Variants in PLEKHG1 observed in about 807,000 individuals in gnomAD.
PLEKHG1 encodes the protein pleckstrin homology and RhoGEF domain containing G1.
A neutral mutation model predicts 100.8 loss-of-function variants in PLEKHG1; 44 were observed. That is an observed-to-expected ratio of 0.44 (90% CI 0.34 to 0.56). PLEKHG1 has a LOEUF of 0.56. PLEKHG1 is among the 20% of genes least tolerant of loss of function. The probability of loss-of-function intolerance (pLI) is 0.01; values close to 1 mark genes in which losing one functional copy is unlikely to be tolerated. For missense variants in PLEKHG1, 1,545 were observed against 1,720.9 expected (o/e 0.90, Z 1.81); for synonymous variants, 640 against 662.5 (o/e 0.97, Z 0.52).
rs1776964154 is a variant in PLEKHG1 at position 150,831,957 on chromosome 6, T to C, written c.2846T>C (p.Leu949Pro). 6.2e-7 allele frequency: 1 copy of C among 1,613,116 alleles called. No individual in the cohort carries two copies. The highest frequency in any genetic ancestry group is 8.5e-7 in the Non-Finnish European group (1 of 1,179,328). ...CCCCTCATGGACAATCCCTACGACC[T>C]GGCCAACAGTGGCCTGTCTCAAACA... The change falls in exon 15 of 16, where the codon CTG becomes CCG. Residue 949 changes from leucine (L) to proline (P), a missense_variant. By Grantham distance (98) the Leu-to-Pro change is moderately conservative. Coordinates refer to ENST00000358517, the Ensembl canonical transcript of PLEKHG1. The surrounding 1 kb of genome is among the most constrained non-coding windows in gnomAD (Gnocchi z 4.1).
chr6:150,631,355 C>A (rs972710834), intron 1 of PLEKHG1, among the ~76,000 whole-genome samples: 1 of 152,208 alleles, frequency 6.6e-6, no homozygotes, highest in Non-Finnish European at 1.5e-5. Context: ...TTTTAGGCAG[C>A]TTTTCAGGTG....
chr6:150,786,678 T>C (rs913736651), intron 4 of PLEKHG1, among the ~76,000 whole-genome samples: 4 of 152,126 alleles, frequency 2.6e-5, no homozygotes, highest in South Asian at 2.1e-4. Context: ...CTGAATAATG[T>C]TACTCTTTGC....
chr6:150,611,080 A>G (rs1032434195), intron 1 of PLEKHG1, among the ~76,000 whole-genome samples: 4 of 152,190 alleles, frequency 2.6e-5, no homozygotes, highest in Non-Finnish European at 4.4e-5. Flanking sequence ...ATCATGCCAT[A>G]CTCATCCTTC....
At chr6:150,813,196 G>T (rs1737907) in intron 10 of PLEKHG1, among the ~76,000 whole-genome samples, 42,454 of 151,192 alleles carry the variant, frequency 0.28, 6,298 homozygotes, top group Non-Finnish European at 0.34. Context: ...TCCCAGCTAC[G>T]CGGGAGGCTG....
chr6:150,801,918 C>T (rs1786739572), intron 6 of PLEKHG1, among the ~76,000 whole-genome samples: 1 of 152,288 alleles, frequency 6.6e-6, no homozygotes, highest in Non-Finnish European at 1.5e-5. Flanking sequence ...AAATCTTATA[C>T]GTTGCCCACA....
chr6:150,660,717 T>G (rs1779150632), intron 3 of PLEKHG1, among the ~76,000 whole-genome samples: 1 of 152,226 alleles, frequency 6.6e-6, no homozygotes, highest in Non-Finnish European at 1.5e-5. Context: ...GGCCTCTTCT[T>G]AAACCATAGA....
At chr6:150,612,330 T>G (rs985761834) in intron 1 of PLEKHG1, among the ~76,000 whole-genome samples, 1 of 151,418 alleles carries the variant, frequency 6.6e-6, no homozygotes, top group African/African-American at 2.4e-5. Context: ...GTTTTGTTTG[T>G]TTGTTTTGTT....
intron 3 of PLEKHG1, among the ~76,000 whole-genome samples, chr6:150,654,553 T>C (rs1778885563): frequency 6.6e-6 from 1 of 152,198 alleles, no homozygotes; most frequent in South Asian, 2.1e-4. Flanking sequence ...TGTGGTACCT[T>C]GGTATTGTAT....
intron 3 of PLEKHG1, among the ~76,000 whole-genome samples, chr6:150,715,187 T>C (rs1781378205): frequency 6.6e-6 from 1 of 152,170 alleles, no homozygotes; most frequent in African/African-American, 2.4e-5. Flanking sequence ...AGAAATAATT[T>C]TTTTTAAAAA....
chr6:150,805,567 G>C (rs1247483475), intron 7 of PLEKHG1, among the ~76,000 whole-genome samples: 1 of 151,230 alleles, frequency 6.6e-6, no homozygotes, highest in African/African-American at 2.4e-5. Context: ...CACTCTTGTC[G>C]CCCAGGCTGG....
intron 3 of PLEKHG1, among the ~76,000 whole-genome samples, chr6:150,704,511 G>A (rs1394800767): frequency 6.6e-6 from 1 of 152,258 alleles, no homozygotes; most frequent in Non-Finnish European, 1.5e-5. Flanking sequence ...TGGACTAGGG[G>A]AAGGCTGAGG....
Position 150,600,984 on chromosome 6 carries a change from G to A in PLEKHG1, c.-204+967G>A, listed in dbSNP as rs1776333666. 1 of 152,262 alleles carries A rather than the reference G, an allele frequency of 6.6e-6. No individual in the cohort carries two copies. The highest frequency in any genetic ancestry group is 2.4e-5 in the African/African-American group (1 of 41,444). 9.4% of individuals were successfully genotyped at this position (152,262 alleles called of 1,614,324 possible). A position where few individuals can be genotyped will look rare whatever the true frequency, so the allele number is the denominator to read the frequency against. On this transcript the variant is annotated intron_variant, in intron 1 of 3. Coordinates refer to the PLEKHG1 transcript ENST00000367326. The surrounding 1 kb of genome is among the most constrained non-coding windows in gnomAD (Gnocchi z 6.2). ...CGTATTTTCGAAATCACCGAGTGTG[G>A]GTGTTTGGGGCAGGTATCACCCCGC... is the stretch of plus-strand genomic sequence containing the variant.
At chr6:150,605,495 G>C (rs112412854) in intron 1 of PLEKHG1, 1 of 152,128 alleles carries the variant, frequency 6.6e-6, no homozygotes, top group African/African-American at 2.4e-5. Flanking sequence ...GTAATTGCTC[G>C]ATAAATGGTA....
At chr6:150,827,388 C>T (rs1193477900) in intron 14 of PLEKHG1, among the ~76,000 whole-genome samples, 8 of 152,048 alleles carry the variant, frequency 5.3e-5, no homozygotes, top group Non-Finnish European at 8.8e-5. Flanking sequence ...AGCGGTTCTC[C>T]TGCCTCAGCC....
intron 2 of PLEKHG1, among the ~76,000 whole-genome samples, chr6:150,738,332 A>G (rs1045842424): frequency 2.6e-5 from 4 of 152,184 alleles, no homozygotes; most frequent in African/African-American, 7.2e-5. Context: ...CATTTTTACG[A>G]CTTGTGAACA....
intron 1 of PLEKHG1, among the ~76,000 whole-genome samples, chr6:150,601,380 C>G (rs1371622872): frequency 6.6e-6 from 1 of 152,220 alleles, no homozygotes; most frequent in Non-Finnish European, 1.5e-5. Flanking sequence ...CTCTGGTCGT[C>G]TTGGCTGCCT....
intron 14 of PLEKHG1, 21 bp downstream of exon 15, chr6:150,823,697 TA>T: frequency 1.3e-6 from 2 of 1,598,546 alleles, no homozygotes; most frequent in African/African-American, 1.3e-5. Flanking sequence ...TCTCATTTCT[TA>T]CTTGGAAATG....
intron 1 of PLEKHG1, among the ~76,000 whole-genome samples, chr6:150,621,232 C>T (rs539350185): frequency 3.3e-5 from 5 of 152,134 alleles, no homozygotes; most frequent in African/African-American, 4.8e-5. Flanking sequence ...GCAAGAAGGC[C>T]GTGTTCCAGA....
At chr6:150,625,955 G>A in intron 1 of PLEKHG1, 1 of 152,160 alleles carries the variant, frequency 6.6e-6, no homozygotes. Flanking sequence ...CTTTTTTCAG[G>A]TATCATAATG....
Sources: allele counts gnomAD v4.1 joint callset (sites outside exome capture counted in the v4.1 genomes callset), GRCh38; gene constraint gnomAD v4.1.1; non-coding constraint Gnocchi (gnomAD v3.1); transcripts MANE v1.5; gene names NCBI Gene and HGNC (gene_info 2026-07-23, HGNC 2026-07-21).